Variants in PTPRA observed in about 807,000 individuals in gnomAD.
The protein encoded by PTPRA is protein tyrosine phosphatase receptor type A, also known as receptor-type tyrosine-protein phosphatase alpha.
In PTPRA, 25 loss-of-function variants were observed where a neutral mutation model predicts 104.8. The ratio of observed to expected loss-of-function variants is 0.24; its 90% CI spans 0.17 to 0.33. PTPRA has a LOEUF of 0.33. Ranked by LOEUF, PTPRA falls within the 10% of genes least tolerant of loss-of-function variation. The pLI is 1.00. For synonymous variants in PTPRA, 323 were observed against 368.9 expected, an observed-to-expected ratio of 0.88 and a Z score of 1.43; for missense variants, 765 against 1,015.3, an observed-to-expected ratio of 0.75 and a Z score of 3.35.
At chr20:2,865,136 C>T in the PTPRA span, 1 of 1,614,158 alleles carries the variant, frequency 6.2e-7, no homozygotes, top group Non-Finnish European at 8.5e-7. This position sits in a 1 kb window ranked among gnomAD's most constrained non-coding sequence, Gnocchi z 5.2. Context: ...GCCTCATTAT[C>T]CGGGTCCCCA....
At chr20:2,928,761 A>G (rs2060399090) in intron 2 of PTPRA, among the ~76,000 whole-genome samples, 1 of 151,082 alleles carries the variant, frequency 6.6e-6, no homozygotes, top group South Asian at 2.1e-4. Flanking sequence ...TGTCCTTTTT[A>G]AAAACTCTTT....
intron 6 of PTPRA, among the ~76,000 whole-genome samples, chr20:2,983,953 A>G (rs1260332527): frequency 6.6e-6 from 1 of 152,018 alleles, no homozygotes. Context: ...AGCCCTGAGG[A>G]ATTCCCACAT....
chr20:2,905,792 C>A (rs1421383352), intron 1 of PTPRA, among the ~76,000 whole-genome samples: 1 of 139,444 alleles, frequency 7.2e-6, no homozygotes, highest in African/African-American at 2.7e-5. Flanking sequence ...TCAAATGATT[C>A]TCCTGTCTCA....
intron 1 of PTPRA, among the ~76,000 whole-genome samples, chr20:2,880,180 TCACTGTG>T (rs1247069599): frequency 6.6e-6 from 1 of 152,260 alleles, no homozygotes; most frequent in Non-Finnish European, 1.5e-5. Flanking sequence ...GTTAAAAAGT[TCACTGTG>T]GCTGTAGTCC....
chr20:2,864,862 G>A, the PTPRA span: 23 of 1,405,724 alleles, frequency 1.6e-5, no homozygotes, highest in African/African-American at 3.0e-4. The surrounding 1 kb of genome is among the most constrained non-coding windows in gnomAD (Gnocchi z 5.2). Context: ...CACCTAGCAG[G>A]CAAGGCTGAC....
chr20:2,921,960 T>C (rs2060113325), intron 1 of PTPRA, among the ~76,000 whole-genome samples: 1 of 152,190 alleles, frequency 6.6e-6, no homozygotes, highest in African/African-American at 2.4e-5. Flanking sequence ...TACTTTGTTA[T>C]AGGGGGTTGT....
chr20:3,015,854 C>T lies in PTPRA; in HGVS notation c.912C>T (p.Tyr304=), dbSNP rs1755693295. The change falls in exon 12 of 24, where the codon TAC becomes TAT. Residue 304 remains tyrosine, a synonymous_variant. Coordinates refer to ENST00000399903, the MANE Select transcript of PTPRA (RefSeq NM_001385305.1). ...TTTCCTTCCCCACACCCCAGGGCTACCAAGAAAAGAACAAATTCATTGCTG... is the reference window on the plus strand; with the variant it reads ...TTTCCTTCCCCACACCCCAGGGCTATCAAGAAAAGAACAAATTCATTGCTG... The part of the protein sequence containing the change: ...DYINASFING[Y]QEKNKFIAAQ... The T allele has an allele frequency of 6.4e-7, 1 of 1,558,848 alleles. No individual in the cohort carries two copies. Among genetic ancestry groups the T allele is most frequent in the Admixed American group, 1.7e-5 (1 of 59,828 alleles).
intron 1 of PTPRA, among the ~76,000 whole-genome samples, chr20:2,922,698 C>T (rs1295479961): frequency 1.3e-5 from 2 of 151,010 alleles, no homozygotes; most frequent in East Asian, 1.9e-4. Flanking sequence ...AGTGCAGTGG[C>T]GCGATCTGGG....
In PTPRA at chr20:3,026,796, C is replaced by G. The variant is rs2065166817; in HGVS notation, c.1708+16C>G. The G allele has an allele frequency of 6.3e-7, 1 of 1,576,064 alleles. No individual in the cohort carries two copies. The highest frequency in any genetic ancestry group is 8.7e-7 in the Non-Finnish European group (1 of 1,146,030). ...ATCATTCCATGTAAGAGCCCTCCCG[C>G]CACTCCAAAGCCTTATTGCCCCATC... is the stretch of plus-strand genomic sequence containing the variant. On this transcript the variant is annotated intron_variant, in intron 18 of 23. Transcript: ENST00000399903.
intron 2 of PTPRA, among the ~76,000 whole-genome samples, chr20:2,945,122 T>C (rs1045970950): frequency 6.6e-6 from 1 of 152,188 alleles, no homozygotes; most frequent in Non-Finnish European, 1.5e-5. Context: ...ACTAATTCTC[T>C]CTTCAGGTAT....
chr20:2,909,089 C>G (rs2059530726), intron 1 of PTPRA, among the ~76,000 whole-genome samples: 1 of 152,066 alleles, frequency 6.6e-6, no homozygotes, highest in African/African-American at 2.4e-5. Context: ...AGCAGTTCAA[C>G]AAGGATCAGA....
the PTPRA span, chr20:2,865,140 G>C: frequency 1.2e-6 from 2 of 1,614,016 alleles, no homozygotes; most frequent in South Asian, 1.1e-5. This position sits in a 1 kb window ranked among gnomAD's most constrained non-coding sequence, Gnocchi z 5.2. Flanking sequence ...CATTATCCGG[G>C]TCCCCAGGCT....
chr20:2,875,056 T>G (rs1237994878), intron 1 of PTPRA, among the ~76,000 whole-genome samples: 1 of 152,194 alleles, frequency 6.6e-6, no homozygotes, highest in African/African-American at 2.4e-5. Flanking sequence ...CCTTTCTATC[T>G]CCCGTGGTGG....
the PTPRA span, chr20:2,866,826 T>C: frequency 2.0e-6 from 1 of 498,110 alleles, no homozygotes; most frequent in Non-Finnish European, 3.5e-6. Flanking sequence ...TTCCGTTGTG[T>C]TGGGACCGGA....
chr20:2,955,600 G>A, intron 3 of PTPRA: 3 of 980,976 alleles, frequency 3.1e-6, no homozygotes, highest in Non-Finnish European at 3.6e-6. Flanking sequence ...TTGATATCTG[G>A]TGTTCTAGGA....
intron 1 of PTPRA, among the ~76,000 whole-genome samples, chr20:2,898,627 G>T (rs1431087792): frequency 1.3e-5 from 2 of 151,888 alleles, no homozygotes; most frequent in Non-Finnish European, 2.9e-5. Flanking sequence ...GGAGGCCGAG[G>T]CTGGTGGGTC....
rs867086162 is a variant in PTPRA, at chr20:2,911,856, C to T, written c.-128-11351C>T. Among the ~76,000 whole-genome samples the T allele has an allele frequency of 2.6e-5, 4 of 151,916 alleles. 1 individual carries two copies. The highest frequency in any genetic ancestry group is 3.4e-3 in the Middle Eastern group (1 of 294). ...GACATGGATATCAATCAGTGGAAAT[C>T]GTATACTAAAACGGAAGTCAGTGAA... On this transcript the variant is annotated intron_variant, in intron 1 of 23. Transcript: ENST00000399903.
intron 1 of PTPRA, among the ~76,000 whole-genome samples, chr20:2,885,743 A>G (rs2090344076): frequency 6.6e-6 from 1 of 152,222 alleles, no homozygotes; most frequent in South Asian, 2.1e-4. Context: ...ATGGCAAGAA[A>G]AAAAAAGTAC....
chr20:3,031,308 C>CT (rs2065441831), intron 20 of PTPRA, among the ~76,000 whole-genome samples: 6 of 151,656 alleles, frequency 4.0e-5, no homozygotes, highest in Admixed American at 4.0e-4. Context: ...TGTTTCACTT[C>CT]TTTAAGATGC....
Sources: gnomAD v4.1 joint callset for allele counts (sites outside exome capture counted in the v4.1 genomes callset) on GRCh38, gnomAD v4.1.1 for gene constraint, Gnocchi (gnomAD v3.1) non-coding constraint, MANE v1.5 for transcripts, NCBI Gene and HGNC (gene_info 2026-07-23, HGNC 2026-07-21) for gene names.